Variants in TCAIM observed in about 807,000 individuals in gnomAD.
TCAIM encodes T cell activation inhibitor, mitochondrial.
In TCAIM, 36 loss-of-function variants were observed where a neutral mutation model predicts 58.6. The ratio of observed to expected loss-of-function variants is 0.61; its 90% confidence interval spans 0.47 to 0.81. TCAIM has a LOEUF of 0.81. Among genes scored for constraint, TCAIM ranks in the 30% least tolerant of loss-of-function variants. The probability of loss-of-function intolerance (pLI) is 0.00; values close to 1 mark genes in which losing one functional copy is unlikely to be tolerated. For missense variants in TCAIM, 466 were observed against 579.6 expected (o/e 0.80, Z 2.01); for synonymous variants, 172 against 193.6 (o/e 0.89, Z 0.93).
intron 5 of TCAIM, among the ~76,000 whole-genome samples, chr3:44,371,099 A>G (rs556072025): frequency 1.3e-5 from 2 of 151,612 alleles, no homozygotes; most frequent in East Asian, 3.9e-4. Context: ...TTTAGTAGAG[A>G]CGGGGTTTCA....
chr3:44,343,051 C>T (rs1010692535), intron 1 of TCAIM, among the ~76,000 whole-genome samples: 18 of 151,812 alleles, frequency 1.2e-4, no homozygotes, highest in African/African-American at 9.7e-5. Flanking sequence ...GCACGAGAAT[C>T]GCTTGAACCT....
chr3:44,372,768 G>A (rs908224856), intron 5 of TCAIM, among the ~76,000 whole-genome samples: 2 of 151,714 alleles, frequency 1.3e-5, no homozygotes, highest in African/African-American at 4.8e-5. Context: ...TAATTTTTTT[G>A]TATTTTTAGT....
intron 10 of TCAIM, 53 bp downstream of exon 10, chr3:44,401,387 C>T (rs2125656972): frequency 6.2e-7 from 1 of 1,603,368 alleles, no homozygotes; most frequent in Non-Finnish European, 8.5e-7. Context: ...AACTGAAAAC[C>T]TCAGATATTT....
At chr3:44,368,470 G>A (rs1027831845) in intron 5 of TCAIM, among the ~76,000 whole-genome samples, 3 of 152,184 alleles carry the variant, frequency 2.0e-5, no homozygotes, top group Non-Finnish European at 4.4e-5. Context: ...TACCTAGCTA[G>A]ATTCTAAATA....
At chr3:44,365,990 A>G (rs1385127565) in intron 4 of TCAIM, among the ~76,000 whole-genome samples, 2 of 152,216 alleles carry the variant, frequency 1.3e-5, no homozygotes, top group Non-Finnish European at 2.9e-5. Context: ...AAAACTAATT[A>G]AGAATAGTTT....
Position 44,401,298 on chromosome 3 carries a change from C to T in TCAIM, c.1214C>T (p.Ala405Val). 1 of 1,613,994 alleles carries T rather than the reference C, an allele frequency of 6.2e-7. No homozygotes were observed. The highest frequency in any genetic ancestry group is 1.3e-5 in the African/African-American group (1 of 74,998). The change falls in exon 10 of 11, where the codon GCT becomes GTT. Residue 405 changes from alanine (A) to valine (V), a missense_variant. By Grantham distance (64) the Ala-to-Val change is moderately conservative. Coordinates refer to ENST00000342649, the MANE Select transcript of TCAIM (RefSeq NM_173826.4). ...CTCCAGTGGTTTATTCTCACCAAAGCTCAGCAGGCAAGAGAGAACATGAAA... is the reference window on the plus strand; with the variant it reads ...CTCCAGTGGTTTATTCTCACCAAAGTTCAGCAGGCAAGAGAGAACATGAAA... ...ANLQWFILTK[A>V]QQARENMKRK...
intron 1 of TCAIM, among the ~76,000 whole-genome samples, chr3:44,343,691 A>G (rs896066930): frequency 8.5e-5 from 13 of 152,340 alleles, no homozygotes; most frequent in African/African-American, 2.6e-4. Context: ...CTCTACTGAA[A>G]TGTAAACCTT....
At chr3:44,396,929 TG>T in intron 8 of TCAIM, 95 bp downstream of exon 8, 1 of 1,265,290 alleles carries the variant, frequency 7.9e-7, no homozygotes, top group Non-Finnish European at 1.1e-6. Flanking sequence ...AAAGGTTTGT[TG>T]TGTTTTTGTT....
chr3:44,352,077 A>G (rs1203087286), intron 1 of TCAIM, among the ~76,000 whole-genome samples: 1 of 148,058 alleles, frequency 6.8e-6, no homozygotes, highest in Non-Finnish European at 1.5e-5. Context: ...AGTCATATAT[A>G]TGTGTGTGTG....
At chr3:44,396,327 G>C in intron 6 of TCAIM, 73 bp from the exon 7 acceptor site, 1 of 1,286,162 alleles carries the variant, frequency 7.8e-7, no homozygotes, top group Non-Finnish European at 1.1e-6. Context: ...AAGGACTCCA[G>C]TAGTTGTGGT....
chr3:44,369,722 G>A (rs891723931), intron 5 of TCAIM, among the ~76,000 whole-genome samples: 1 of 151,900 alleles, frequency 6.6e-6, no homozygotes, highest in Non-Finnish European at 1.5e-5. Flanking sequence ...TATTACATTC[G>A]ACTATATGAG....
At chr3:44,353,995 A>G (rs980024301) in intron 1 of TCAIM, among the ~76,000 whole-genome samples, 3 of 152,172 alleles carry the variant, frequency 2.0e-5, no homozygotes, top group Admixed American at 1.3e-4. Context: ...AGTCATTTCT[A>G]TCCCCAAGGT....
chr3:44,348,237 G>C (rs1203699456), intron 1 of TCAIM, among the ~76,000 whole-genome samples: 1 of 152,212 alleles, frequency 6.6e-6, no homozygotes, highest in Non-Finnish European at 1.5e-5. Context: ...CAAAGTGTCT[G>C]TGATGGTCCA....
chr3:44,395,707 A>G (rs1701922231), intron 6 of TCAIM, among the ~76,000 whole-genome samples: 2 of 152,262 alleles, frequency 1.3e-5, no homozygotes, highest in African/African-American at 2.4e-5. Flanking sequence ...ACCTGAGGTC[A>G]GGTACGGTGG....
chr3:44,369,636 G>A (rs1374408281), intron 5 of TCAIM, among the ~76,000 whole-genome samples: 5 of 152,150 alleles, frequency 3.3e-5, no homozygotes, highest in South Asian at 4.1e-4. Context: ...CCTAAGCTCA[G>A]TATTTATAAT....
chr3:44,357,777 C>T lies in TCAIM; in HGVS notation c.66C>T (p.Pro22=). ...AGAAGATATTTCCACACTGGTTTCC[C>T]TTTTCAAGAGCTTTATCGGGAGCTG... ...CLEKIFPHWF[P]FSRALSGAEA... is the part of the protein sequence containing the mutation. Residue 22 remains proline, a synonymous_variant, in exon 3 of 11, where the codon CCC becomes CCT. Transcript: ENST00000342649. 1 of 1,614,088 alleles carries T rather than the reference C, an allele frequency of 6.2e-7. No homozygotes were observed. The highest frequency in any genetic ancestry group is 8.5e-7 in the Non-Finnish European group (1 of 1,180,000).
At chr3:44,372,648 C>T (rs1204631435) in intron 5 of TCAIM, among the ~76,000 whole-genome samples, 1 of 151,076 alleles carries the variant, frequency 6.6e-6, no homozygotes, top group Non-Finnish European at 1.5e-5. Context: ...GGCTGGAGTG[C>T]AGTGGTGCTA....
rs1433293885 is a variant in TCAIM, at chr3:44,357,628, T to C, written c.30-113T>C. 6 of 1,342,894 alleles carry C rather than the reference T, an allele frequency of 4.5e-6. No individual in the cohort carries two copies. In the Admixed American group the frequency reaches 1.1e-4, roughly 24 times the overall value. 83.2% of individuals were successfully genotyped at this position (1,342,894 alleles called of 1,614,324 possible). On this transcript the variant is annotated intron_variant, in intron 2 of 10. Coordinates refer to ENST00000342649, the MANE Select transcript of TCAIM (RefSeq NM_173826.4). ...ATAGATTTCAGAAAACCACAAAGTA[T>C]CTATCTTGTTTCTGCTGTGCATAGT... is the stretch of plus-strand genomic sequence containing the variant.
intron 6 of TCAIM, among the ~76,000 whole-genome samples, chr3:44,395,393 C>T (rs1701918034): frequency 6.6e-6 from 1 of 152,092 alleles, no homozygotes; most frequent in Non-Finnish European, 1.5e-5. Flanking sequence ...CACACATTAC[C>T]TCATTTGATG....
Sources: allele counts gnomAD v4.1 joint callset (sites outside exome capture counted in the v4.1 genomes callset), GRCh38; gene constraint gnomAD v4.1.1; transcripts MANE v1.5; gene names NCBI Gene and HGNC (gene_info 2026-07-23, HGNC 2026-07-21).